The following SLC43A3 variants were observed in gnomAD, a reference collection of about 807,000 sequenced individuals.
SLC43A3 encodes the protein equilibrative nucleobase transporter 1.
In SLC43A3, 33 loss-of-function variants were observed where a neutral mutation model predicts 53.3. That is an observed-to-expected ratio of 0.62 (90% CI 0.47 to 0.83). SLC43A3 has a LOEUF of 0.83. Among genes scored for constraint, SLC43A3 ranks in the 40% least tolerant of loss-of-function variants. The pLI is 0.00. For synonymous variants in SLC43A3, 236 were observed against 246.2 expected, an observed-to-expected ratio of 0.96 and a Z score of 0.39; for missense variants, 530 against 610.0, an observed-to-expected ratio of 0.87 and a Z score of 1.38.
At chr11:57,419,857 C>T (rs1942909601) in intron 7 of SLC43A3, among the ~76,000 whole-genome samples, 1 of 151,726 alleles carries the variant, frequency 6.6e-6, no homozygotes, top group Non-Finnish European at 1.5e-5. Context: ...CTGGGTTCTC[C>T]AGGGGAAGGA....
Position 57,426,238 on chromosome 11 carries a change from G to A in SLC43A3, c.-66C>T, listed in dbSNP as rs913713581. ...CCTGGACGGATCACAGGCGCCGTAA[G>A]CCTGGCGTTTGAGCACTTGGAAAAT... On this transcript the variant is annotated 5_prime_UTR_variant, in exon 3 of 14. Transcript: ENST00000395124. The A allele has an allele frequency of 2.6e-6, 4 of 1,512,354 alleles. No individual in the cohort carries two copies. The highest frequency in any genetic ancestry group is 3.8e-5 in the Admixed American group (2 of 53,222). 93.7% of individuals were successfully genotyped at this position (1,512,354 alleles called of 1,614,324 possible). A position where few individuals can be genotyped will look rare whatever the true frequency, so the allele number is the denominator to read the frequency against.
At chr11:57,408,688 A>C (rs1224404104) in intron 13 of SLC43A3, 1 of 158,632 alleles carries the variant, frequency 6.3e-6, no homozygotes, top group Non-Finnish European at 1.4e-5. Flanking sequence ...CAGTAGTCAA[A>C]ACACAGAATT....
At chr11:57,410,630 A>T (rs1282760741) in intron 11 of SLC43A3, among the ~76,000 whole-genome samples, 1 of 150,852 alleles carries the variant, frequency 6.6e-6, no homozygotes, top group Non-Finnish European at 1.5e-5. Flanking sequence ...ATAGAGTTAC[A>T]TCAAAAAAAA....
At chr11:57,419,082 C>T (rs535902125) in intron 7 of SLC43A3, among the ~76,000 whole-genome samples, 2 of 152,184 alleles carry the variant, frequency 1.3e-5, no homozygotes, top group East Asian at 1.9e-4. Context: ...AAGACACACC[C>T]GGCAGTAGAG....
intron 7 of SLC43A3, among the ~76,000 whole-genome samples, chr11:57,418,729 A>C (rs1357962777): frequency 6.6e-6 from 1 of 152,030 alleles, no homozygotes; most frequent in Non-Finnish European, 1.5e-5. Context: ...GTCTCTACTG[A>C]AAATACAAAA....
intron 7 of SLC43A3, 106 bp from the exon 8 acceptor site, chr11:57,417,993 C>T (rs902069341): frequency 3.8e-5 from 38 of 994,408 alleles, no homozygotes; most frequent in Non-Finnish European, 5.0e-5. Context: ...AGCAGATGAA[C>T]AGCTAAACAT....
rs1942382601 is a variant in SLC43A3, at chr11:57,410,095, A to G, written c.1087T>C (p.Cys363Arg). The G allele has an allele frequency of 6.2e-7, 1 of 1,607,702 alleles. No homozygotes were observed. Among genetic ancestry groups the G allele is most frequent in the Non-Finnish European group, 8.5e-7 (1 of 1,177,528 alleles). ...AGGGCCAGCGAAGGCACCGTCGAGCAGAGGGCCACCGCCAAAGTGGAGGAA... is the reference window on the plus strand; with the variant it reads ...AGGGCCAGCGAAGGCACCGTCGAGCGGAGGGCCACCGCCAAAGTGGAGGAA... ...TGSSTLAVAL[C>R]STVPSLALTS... The change falls in exon 12 of 14, where the codon TGC becomes CGC. Residue 363 changes from cysteine to arginine, a missense_variant. This residue lies in a region of SLC43A3 where 124 missense variants were observed against 166.4 expected (regional missense o/e 0.75). Coordinates refer to ENST00000395124, the MANE Select transcript of SLC43A3 (RefSeq NM_199329.3).
intron 8 of SLC43A3, 46 bp from the exon 9 acceptor site, chr11:57,416,716 G>A (rs745342346): frequency 2.0e-5 from 29 of 1,442,384 alleles, no homozygotes; most frequent in Middle Eastern, 1.8e-4. Flanking sequence ...ACTGTGAGCC[G>A]AACCTGAGAC....
chr11:57,409,828 G>A lies in SLC43A3; in HGVS notation c.1247+107C>T, dbSNP rs980552545. On this transcript the variant is annotated intron_variant, in intron 12 of 13. Coordinates refer to ENST00000395124, the MANE Select transcript of SLC43A3 (RefSeq NM_199329.3). Reference sequence around the variant, plus strand: ...CACCTGCCCCCAAACCCAGTCTCCCGCACCTGACTGCCTCCAGGCCCCGCC... The same window carrying A: ...CACCTGCCCCCAAACCCAGTCTCCCACACCTGACTGCCTCCAGGCCCCGCC... 20 of 1,067,642 alleles carry A rather than the reference G, an allele frequency of 1.9e-5. 1 individual carries two copies. The highest frequency in any genetic ancestry group is 1.6e-4 in the East Asian group (6 of 38,322). 66.1% of individuals were successfully genotyped at this position (1,067,642 alleles called of 1,614,324 possible).
At chr11:57,425,483 C>A in intron 4 of SLC43A3, 58 bp downstream of exon 4, 1 of 1,576,994 alleles carries the variant, frequency 6.3e-7, no homozygotes, top group Non-Finnish European at 8.7e-7. Flanking sequence ...CCAAGCTAGG[C>A]TGCTGCCTGA....
Position 57,417,785 on chromosome 11 carries a change from GC to G in SLC43A3, c.633del (p.His212ThrfsTer77), listed in dbSNP as rs760481120. ...VARTFLLMPR[G>X]HIPYPLPPNY... The stretch of plus-strand genomic sequence containing the variant: ...TTGGGGGGCAGTGGGTATGGGATGT[GC>G]CCCCGGGGCATCAGGAGGAAAGTGC... On this transcript the variant is annotated frameshift_variant, in exon 8 of 14. Transcript: ENST00000395124. LOFTEE classifies it high-confidence loss of function. 2 of 1,614,104 alleles carry G rather than the reference GC, an allele frequency of 1.2e-6. No individual in the cohort carries two copies. Among genetic ancestry groups the G allele is most frequent in the East Asian group, 2.2e-5 (1 of 44,872 alleles).
In SLC43A3 at chr11:57,426,308, G is replaced by A; in HGVS notation, c.-136C>T. On this transcript the variant is annotated 5_prime_UTR_variant, in exon 3 of 14. The change creates a premature stop within an existing upstream ORF in the 5' untranslated region. Coordinates refer to ENST00000395124, the MANE Select transcript of SLC43A3 (RefSeq NM_199329.3). ...CTTCCTTTCCCGTAGCTCTCTGGTT[G>A]TTTCAGGCCTGGGCAAAAACCATCA... 1 of 775,380 alleles carries A rather than the reference G, an allele frequency of 1.3e-6. No individual in the cohort carries two copies. Among genetic ancestry groups the A allele is most frequent in the Non-Finnish European group, 2.0e-6 (1 of 492,300 alleles). 48.0% of individuals were successfully genotyped at this position (775,380 alleles called of 1,614,324 possible). A position where few individuals can be genotyped will look rare whatever the true frequency, so the allele number is the denominator to read the frequency against.
At chr11:57,421,109 A>G (rs1324265030) in intron 6 of SLC43A3, 45 bp from the exon 7 acceptor site, 2 of 1,443,462 alleles carry the variant, frequency 1.4e-6, no homozygotes, top group Non-Finnish European at 2.0e-6. Flanking sequence ...TATTCATGAA[A>G]CAGATACTTC....
chr11:57,419,390 G>A (rs1942878912), intron 7 of SLC43A3, among the ~76,000 whole-genome samples: 2 of 152,172 alleles, frequency 1.3e-5, no homozygotes, highest in South Asian at 4.1e-4. Context: ...GAGTGACGTT[G>A]AGGTCCAGAG....
chr11:57,421,669 C>T (rs561834879), intron 5 of SLC43A3, among the ~76,000 whole-genome samples: 2 of 152,292 alleles, frequency 1.3e-5, no homozygotes, highest in African/African-American at 2.4e-5. Context: ...CTCTCTCTTC[C>T]CTCAGTAAAC....
At chr11:57,424,199 A>C in intron 4 of SLC43A3, 171 bp from the exon 5 acceptor site, 1 of 662,978 alleles carries the variant, frequency 1.5e-6, no homozygotes, top group Non-Finnish European at 2.7e-6. Context: ...AGGCGCAAGA[A>C]GCCGCGATGA....
chr11:57,419,001 G>T (rs1942854339), intron 7 of SLC43A3, among the ~76,000 whole-genome samples: 1 of 152,086 alleles, frequency 6.6e-6, no homozygotes, highest in South Asian at 2.1e-4. Context: ...AGGAGTCCTA[G>T]TACAAGCCAT....
In SLC43A3 at chr11:57,426,167, C is replaced by G. The variant is rs146533870; in HGVS notation, c.6G>C (p.Ala2=). 6.2e-7 allele frequency: 1 copy of G among 1,614,050 alleles called. No individual in the cohort carries two copies. Among genetic ancestry groups the G allele is most frequent in the Non-Finnish European group, 8.5e-7 (1 of 1,179,960 alleles). M[A]GQGLPLHVAT... is the part of the protein sequence containing the mutation. ...CCACGTGCAGGGGCAGGCCCTGGCC[C>G]GCCATGAGCAGAAGTGGAGTGGATC... Residue 2 remains alanine (A), a synonymous_variant, in exon 3 of 14, where the codon GCG becomes GCC. Transcript: ENST00000395124.
chr11:57,423,103 C>T (rs977325472), intron 5 of SLC43A3, among the ~76,000 whole-genome samples: 4 of 152,206 alleles, frequency 2.6e-5, no homozygotes, highest in Non-Finnish European at 5.9e-5. Context: ...ATCAGGAGGC[C>T]TGCACATCAG....
Sources: allele counts gnomAD v4.1 joint callset (sites outside exome capture counted in the v4.1 genomes callset), GRCh38; gene constraint gnomAD v4.1.1; regional missense constraint gnomAD v4.1.1; transcripts MANE v1.5; gene names NCBI Gene and HGNC (gene_info 2026-07-23, HGNC 2026-07-21).